The following MACROD2 variants were observed in gnomAD, a reference collection of about 807,000 sequenced individuals.
MACROD2 encodes the protein mono-ADP ribosylhydrolase 2.
A neutral mutation model predicts 70.4 loss-of-function variants in MACROD2; 36 were observed. The observed-to-expected ratio is 0.51, with a 90% CI of 0.39 to 0.68. MACROD2 has a LOEUF of 0.68. Among genes scored for constraint, MACROD2 ranks in the 30% least tolerant of loss-of-function variants. The pLI, the probability that MACROD2 is intolerant of heterozygous loss-of-function variation, is 0.00. For missense variants in MACROD2, 496 were observed against 538.4 expected (o/e 0.92, Z 0.78); for synonymous variants, 172 against 178.8 (o/e 0.96, Z 0.30).
Position 14,191,976 on chromosome 20 carries a change from T to A in MACROD2, c.271+106248T>A, listed in dbSNP as rs73259197. Among the ~76,000 whole-genome samples the A allele has an allele frequency of 3.7e-3, 553 of 150,500 alleles. 5 individuals carry two copies. Among genetic ancestry groups the A allele is most frequent in the African/African-American group, 0.013 (530 of 40,780 alleles). On this transcript the variant is annotated intron_variant, in intron 3 of 17. Transcript: ENST00000684519. ...AAAATACTGTGTGGCTTCTGTATAG[T>A]TTGTGGGGGAGGGGGAGGGGGAGGG...
intron 8 of MACROD2, among the ~76,000 whole-genome samples, chr20:15,789,298 G>A (rs991674868): frequency 5.9e-5 from 9 of 152,150 alleles, no homozygotes; most frequent in South Asian, 2.1e-4. Flanking sequence ...TTTGGATTGC[G>A]TTCAGAGTCA....
intron 3 of MACROD2, among the ~76,000 whole-genome samples, chr20:14,429,828 G>A (rs1324706509): frequency 6.6e-6 from 1 of 152,120 alleles, no homozygotes; most frequent in African/African-American, 2.4e-5. Flanking sequence ...TGCCTCCCCA[G>A]CCTCCTTCAG....
At chr20:15,172,618 C>T (rs535971333) in intron 5 of MACROD2, among the ~76,000 whole-genome samples, 1 of 152,254 alleles carries the variant, frequency 6.6e-6, no homozygotes, top group East Asian at 1.9e-4. Flanking sequence ...CTATATTTCC[C>T]TGGCTGGTCT....
At chr20:15,932,859 CT>C (rs914640881) in intron 10 of MACROD2, among the ~76,000 whole-genome samples, 4 of 151,836 alleles carry the variant, frequency 2.6e-5, no homozygotes, top group Non-Finnish European at 4.4e-5. Context: ...GAAAATTGAC[CT>C]TTTTTTTGCA....
intron 3 of MACROD2, among the ~76,000 whole-genome samples, chr20:14,346,379 C>A (rs906490549): frequency 2.6e-5 from 4 of 151,990 alleles, no homozygotes; most frequent in African/African-American, 9.7e-5. Context: ...TTTAAACTTT[C>A]TTTTCCCTTG....
intron 6 of MACROD2, among the ~76,000 whole-genome samples, chr20:15,319,220 A>G (rs1468513682): frequency 2.0e-5 from 3 of 152,188 alleles, no homozygotes; most frequent in Non-Finnish European, 4.4e-5. Flanking sequence ...GAATAAGAGC[A>G]AAGGAATAAT....
intron 4 of MACROD2, among the ~76,000 whole-genome samples, chr20:14,647,075 A>T (rs1985434981): frequency 6.6e-6 from 1 of 152,142 alleles, no homozygotes; most frequent in Non-Finnish European, 1.5e-5. Context: ...AGTAATCAGC[A>T]TTTTCCCTCT....
intron 15 of MACROD2, among the ~76,000 whole-genome samples, chr20:16,022,178 G>C (rs558862526): frequency 9.2e-5 from 14 of 151,550 alleles, no homozygotes; most frequent in African/African-American, 3.4e-4. Flanking sequence ...AGCCTCCTGC[G>C]TAGCAGGGAC....
chr20:14,859,231 TTAAA>T (rs893680087), intron 5 of MACROD2, among the ~76,000 whole-genome samples: 15 of 152,038 alleles, frequency 9.9e-5, no homozygotes, highest in African/African-American at 3.1e-4. Flanking sequence ...ACTATTGAAA[TTAAA>T]TAAATAAATA....
At chr20:14,007,902 AAAAAT>A (rs905096070) in intron 2 of MACROD2, among the ~76,000 whole-genome samples, 45 of 152,312 alleles carry the variant, frequency 3.0e-4, no homozygotes, top group African/African-American at 1.0e-3. Flanking sequence ...GCAATAGGGG[AAAAAT>A]AAAATAATAA....
chr20:14,906,952 A>C (rs1268573895), intron 5 of MACROD2, among the ~76,000 whole-genome samples: 1 of 152,198 alleles, frequency 6.6e-6, no homozygotes, highest in Non-Finnish European at 1.5e-5. Context: ...CTAACATGTA[A>C]ATACAGAATT....
intron 10 of MACROD2, among the ~76,000 whole-genome samples, chr20:15,914,655 C>T (rs560210690): frequency 6.6e-6 from 1 of 152,158 alleles, no homozygotes; most frequent in Non-Finnish European, 1.5e-5. Context: ...TCACACTAAG[C>T]AATTCTCTAG....
At chr20:14,924,977 G>A (rs1258994863) in intron 5 of MACROD2, among the ~76,000 whole-genome samples, 2 of 151,708 alleles carry the variant, frequency 1.3e-5, no homozygotes, top group Non-Finnish European at 2.9e-5. Context: ...TAAAGATTGG[G>A]TTAAATATCT....
At chr20:15,330,957 C>T (rs1568726748) in intron 6 of MACROD2, among the ~76,000 whole-genome samples, 1 of 151,638 alleles carries the variant, frequency 6.6e-6, no homozygotes, top group African/African-American at 2.4e-5. Context: ...AAAGCCTCTA[C>T]GTGCACTGCT....
In MACROD2 at chr20:14,163,183, A is replaced by C. The variant is rs1219292262; in HGVS notation, c.271+77455A>C. 2.0e-5 allele frequency among the ~76,000 whole-genome samples: 3 copies of C among 152,136 alleles called. No homozygotes were observed. In the East Asian group the frequency reaches 5.8e-4, roughly 29 times the overall value. ...CATTTACTTATCTGGGAAATACTTT[A>C]GTTCTCTTTCATTTATGAAGGATAA... On this transcript the variant is annotated intron_variant, in intron 3 of 17. Coordinates refer to ENST00000684519, the MANE Select transcript of MACROD2 (RefSeq NM_001351661.2).
In MACROD2 at chr20:14,470,238, CG is replaced by C. The variant is rs1181995107; in HGVS notation, c.272-23237del. Among the ~76,000 whole-genome samples the C allele has an allele frequency of 2.6e-5, 4 of 152,138 alleles. No homozygotes were observed. In the East Asian group the frequency reaches 7.8e-4, roughly 30 times the overall value. The stretch of plus-strand genomic sequence containing the variant: ...GAGGTCCACTGCAGACCCTGTTTGC[CG>C]GGGTATCACCAGCAGAGACCGCAGG... On this transcript the variant is annotated intron_variant, in intron 3 of 17. Coordinates refer to ENST00000684519, the MANE Select transcript of MACROD2 (RefSeq NM_001351661.2).
At chr20:14,120,439 T>C (rs2054572603) in intron 3 of MACROD2, among the ~76,000 whole-genome samples, 1 of 151,908 alleles carries the variant, frequency 6.6e-6, no homozygotes, top group Non-Finnish European at 1.5e-5. Context: ...GTAAATTAGT[T>C]CAACCATTGT....
At chr20:14,319,832 A>G (rs1008443015) in intron 3 of MACROD2, among the ~76,000 whole-genome samples, 1 of 151,876 alleles carries the variant, frequency 6.6e-6, no homozygotes, top group African/African-American at 2.4e-5. Flanking sequence ...CCCTGCTACA[A>G]AGGGTAAGTT....
intron 2 of MACROD2, among the ~76,000 whole-genome samples, chr20:14,058,917 C>T (rs552044985): frequency 8.5e-5 from 13 of 152,284 alleles, no homozygotes; most frequent in African/African-American, 3.1e-4. Flanking sequence ...GCTGGGATTA[C>T]AGGCTTGAGC....
Sources: gnomAD v4.1 joint callset for allele counts (sites outside exome capture counted in the v4.1 genomes callset) on GRCh38, gnomAD v4.1.1 for gene constraint, MANE v1.5 for transcripts, NCBI Gene and HGNC (gene_info 2026-07-23, HGNC 2026-07-21) for gene names.